The following SUPT3H variants were observed in gnomAD, a reference collection of about 807,000 sequenced individuals.
SUPT3H encodes the protein SPT3 homolog, SAGA and STAGA complex component, also known as transcription initiation protein SPT3 homolog.
SUPT3H carries 44 observed loss-of-function variants against 44.3 expected under a neutral mutation model. That is an observed-to-expected ratio of 0.99 (90% CI 0.78 to 1.28). The LOEUF (loss-of-function observed/expected upper bound fraction) is 1.28, where lower values mean the gene tolerates loss of function less well. Among genes scored for constraint, SUPT3H ranks in the 50% most tolerant of loss-of-function variants. The pLI, the probability that SUPT3H is intolerant of heterozygous loss-of-function variation, is 0.00. For missense variants in SUPT3H, 380 were observed against 387.1 expected (o/e 0.98, Z 0.15); for synonymous variants, 124 against 125.6 (o/e 0.99, Z 0.09).
At chr6:45,285,270 G>C (rs941350176) in intron 2 of SUPT3H, among the ~76,000 whole-genome samples, 75 of 152,000 alleles carry the variant, frequency 4.9e-4, no homozygotes, top group Non-Finnish European at 8.7e-4. Context: ...AGGAAATAAA[G>C]GGTATTCAAT....
At chr6:44,901,655 T>A (rs1330544753) in intron 10 of SUPT3H, among the ~76,000 whole-genome samples, 1 of 151,370 alleles carries the variant, frequency 6.6e-6, no homozygotes, top group Admixed American at 6.6e-5. Context: ...AACATTCAGA[T>A]TCAGGAAATA....
At position 45,164,329 on chromosome 6, in the gene SUPT3H, T is replaced by C. The variant is rs138380528; in HGVS notation, c.102-58323A>G. 4.6e-5 allele frequency among the ~76,000 whole-genome samples: 7 copies of C among 152,326 alleles called. No homozygotes were observed. The East Asian group carries it at 9.6e-4, about 21-fold the overall frequency. On this transcript the variant is annotated intron_variant, in intron 2 of 10. Coordinates refer to ENST00000371459, the MANE Select transcript of SUPT3H (RefSeq NM_003599.4). ...TGAGTAGTTTTCAGGATTAAGATTATATAGCCTACATGAAATGTGTGGGTG... is the reference window on the plus strand; with the variant it reads ...TGAGTAGTTTTCAGGATTAAGATTACATAGCCTACATGAAATGTGTGGGTG...
At chr6:45,328,880 A>G (rs1562961992) in intron 2 of SUPT3H, 1 of 1,277,616 alleles carries the variant, frequency 7.8e-7, no homozygotes, top group Non-Finnish European at 1.1e-6. Flanking sequence ...CAAATAGCAT[A>G]TTAAAGATCC....
At chr6:44,838,677 T>C (rs1770383143) in intron 10 of SUPT3H, among the ~76,000 whole-genome samples, 1 of 152,194 alleles carries the variant, frequency 6.6e-6, no homozygotes, top group Non-Finnish European at 1.5e-5. Flanking sequence ...AGGTCCGAGA[T>C]ACTCATAAGC....
At chr6:44,947,624 C>T (rs563719594) in intron 9 of SUPT3H, among the ~76,000 whole-genome samples, 29 of 152,140 alleles carry the variant, frequency 1.9e-4, no homozygotes, top group African/African-American at 7.0e-4. Context: ...GCGAAGAACA[C>T]AGCATGTCCA....
intron 2 of SUPT3H, among the ~76,000 whole-genome samples, chr6:45,355,323 AT>A (rs1792947095): frequency 6.6e-6 from 1 of 151,968 alleles, no homozygotes; most frequent in Non-Finnish European, 1.5e-5. Context: ...AACTTTCTGT[AT>A]TTTCTAATTT....
At chr6:45,315,385 G>C (rs1373534649) in intron 2 of SUPT3H, among the ~76,000 whole-genome samples, 1 of 152,116 alleles carries the variant, frequency 6.6e-6, no homozygotes, top group Non-Finnish European at 1.5e-5. Context: ...CTATATATCT[G>C]ACAAAGGACT....
chr6:44,881,194 A>G (rs1460726207), intron 10 of SUPT3H, among the ~76,000 whole-genome samples: 1 of 152,202 alleles, frequency 6.6e-6, no homozygotes, highest in Non-Finnish European at 1.5e-5. Context: ...GGATGGAGGA[A>G]TATTTACCAA....
intron 2 of SUPT3H, among the ~76,000 whole-genome samples, chr6:45,144,350 C>T (rs899035768): frequency 6.6e-6 from 1 of 152,030 alleles, no homozygotes; most frequent in Non-Finnish European, 1.5e-5. Context: ...ATATCACGAT[C>T]AAGTGGGTTT....
intron 7 of SUPT3H, among the ~76,000 whole-genome samples, chr6:44,955,731 G>T (rs191673918): frequency 6.6e-6 from 1 of 152,254 alleles, no homozygotes; most frequent in African/African-American, 2.4e-5. Context: ...CAGGGGAAAG[G>T]GTAGGAGGGG....
chr6:45,130,059 G>T (rs934142562), intron 2 of SUPT3H, among the ~76,000 whole-genome samples: 1 of 152,134 alleles, frequency 6.6e-6, no homozygotes, highest in Non-Finnish European at 1.5e-5. Context: ...CCCATTTAAA[G>T]TGTACAGTTT....
chr6:44,918,315 T>C (rs1350405853), intron 10 of SUPT3H, among the ~76,000 whole-genome samples: 1 of 152,188 alleles, frequency 6.6e-6, no homozygotes, highest in East Asian at 1.9e-4. Context: ...TCCCCTTTTC[T>C]GAGAATTAAA....
intron 2 of SUPT3H, among the ~76,000 whole-genome samples, chr6:45,293,177 A>G (rs1271268714): frequency 2.0e-5 from 3 of 152,202 alleles, no homozygotes; most frequent in Non-Finnish European, 2.9e-5. Context: ...ATCAACCCCA[A>G]AAGGAACCTC....
At chr6:44,979,650 C>T (rs139912687) in intron 6 of SUPT3H, among the ~76,000 whole-genome samples, 1 of 152,014 alleles carries the variant, frequency 6.6e-6, no homozygotes, top group Non-Finnish European at 1.5e-5. Context: ...CCTCCTTGAC[C>T]CATTAAAAGG....
At chr6:45,138,057 T>C (rs938589635) in intron 2 of SUPT3H, among the ~76,000 whole-genome samples, 1 of 152,180 alleles carries the variant, frequency 6.6e-6, no homozygotes, top group Admixed American at 6.5e-5. Flanking sequence ...TTTGAATACA[T>C]GTTTCTCCAA....
At position 44,846,654 on chromosome 6, in the gene SUPT3H, C is replaced by CA. The variant is rs1312058386; in HGVS notation, c.913-16798dup. 2.6e-5 allele frequency among the ~76,000 whole-genome samples: 4 copies of CA among 151,398 alleles called. No homozygotes were observed. In the East Asian group the frequency reaches 7.8e-4, roughly 29 times the overall value. On this transcript the variant is annotated intron_variant, in intron 10 of 10. Transcript: ENST00000371459. ...AATTTTTTTTTTTTTCTTTTTGAGA[C>CA]AGAGTCTCCCTCTGTCGCTCAGGCT...
At chr6:45,146,436 G>A (rs1283382463) in intron 2 of SUPT3H, among the ~76,000 whole-genome samples, 1 of 152,094 alleles carries the variant, frequency 6.6e-6, no homozygotes, top group Non-Finnish European at 1.5e-5. Flanking sequence ...AGGAAGAAGG[G>A]ATGGAGGCGG....
At chr6:45,359,830 G>C (rs1793925836) in intron 2 of SUPT3H, among the ~76,000 whole-genome samples, 1 of 152,102 alleles carries the variant, frequency 6.6e-6, no homozygotes, top group African/African-American at 2.4e-5. Flanking sequence ...GATCACTTGA[G>C]CCCAGAAGTT....
rs1807470496 is a variant in SUPT3H at position 45,154,412 on chromosome 6, G to A, written c.102-48406C>T. ...TATCTTATGCCAGTGTTGTGGCTCA[G>A]AAAATAACAGACCTCCTCCCAAGAA... On this transcript the variant is annotated intron_variant, in intron 2 of 10. Coordinates refer to ENST00000371459, the MANE Select transcript of SUPT3H (RefSeq NM_003599.4). Among the ~76,000 whole-genome samples, 6 of 152,058 alleles carry A rather than the reference G, an allele frequency of 3.9e-5. No homozygotes were observed. In the South Asian group the frequency reaches 1.2e-3, roughly 32 times the overall value.
Sources: gnomAD v4.1 joint callset for allele counts (sites outside exome capture counted in the v4.1 genomes callset) on GRCh38, gnomAD v4.1.1 for gene constraint, MANE v1.5 for transcripts, NCBI Gene and HGNC (gene_info 2026-07-23, HGNC 2026-07-21) for gene names.